The following ZC2HC1A variants were observed in gnomAD, a reference collection of about 807,000 sequenced individuals.
ZC2HC1A encodes the protein zinc finger C2HC-type containing 1A, also known as zinc finger C2HC domain-containing protein 1A.
ZC2HC1A carries 28 observed loss-of-function variants against 40.7 expected under a neutral mutation model. The observed-to-expected ratio is 0.69, with a 90% confidence interval of 0.51 to 0.94. ZC2HC1A has a LOEUF of 0.94. Ranked by LOEUF, ZC2HC1A falls within the 40% of genes least tolerant of loss-of-function variation. ZC2HC1A has a pLI of 0.00. For missense variants in ZC2HC1A, 389 were observed against 386.3 expected (o/e 1.01, Z -0.06); for synonymous variants, 129 against 129.2 (o/e 1.00, Z 0.01).
At chr8:78,686,758 C>A (rs1809989946) in intron 4 of ZC2HC1A, 150 bp downstream of exon 4, 2 of 729,518 alleles carry the variant, frequency 2.7e-6, no homozygotes, top group Non-Finnish European at 3.9e-6. Context: ...TGGTGGTAAT[C>A]TAGTCATGTA....
In ZC2HC1A at chr8:78,678,575, C is replaced by T. The variant is rs1809661089; in HGVS notation, c.106C>T (p.Pro36Ser). Residue 36 changes from proline to serine, a missense_variant, in exon 3 of 9, where the codon CCC becomes TCC. Physicochemically the swap from Pro to Ser is moderately conservative, Grantham distance 74 (BLOSUM62 -1). Transcript: ENST00000263849. ...TTTATCTTAACAGAAAAAACATGGA[C>T]CCATTTGCCAGAAGACTGCAACTAA... is the stretch of plus-strand genomic sequence containing the variant. ...FFPVALKKHG[P>S]ICQKTATKKR... 3.7e-6 allele frequency: 6 copies of T among 1,609,162 alleles called. No homozygotes were observed. The highest frequency in any genetic ancestry group is 1.1e-5 in the South Asian group (1 of 90,166).
intron 7 of ZC2HC1A, among the ~76,000 whole-genome samples, chr8:78,701,283 G>C (rs1284806168): frequency 6.6e-6 from 1 of 151,990 alleles, no homozygotes; most frequent in Non-Finnish European, 1.5e-5. Flanking sequence ...TCCTGATTTG[G>C]CTCTCTGCTT....
At chr8:78,673,122 G>T (rs1261361339) in intron 1 of ZC2HC1A, among the ~76,000 whole-genome samples, 1 of 152,024 alleles carries the variant, frequency 6.6e-6, no homozygotes. Flanking sequence ...GTGTCCATGT[G>T]TTCTCATTGT....
chr8:78,702,970 C>T lies in ZC2HC1A; in HGVS notation c.704+4457C>T, dbSNP rs149377470. On this transcript the variant is annotated intron_variant, in intron 7 of 8. Coordinates refer to ENST00000263849, the MANE Select transcript of ZC2HC1A (RefSeq NM_016010.3). Reference sequence around the variant, plus strand: ...ATAGTGCTGTGGCATGATCTTGGCTCGCTGCAACCTCTGCCTCCTGGGTTC... The same window carrying T: ...ATAGTGCTGTGGCATGATCTTGGCTTGCTGCAACCTCTGCCTCCTGGGTTC... Among the ~76,000 whole-genome samples the T allele has an allele frequency of 2.3e-3, 352 of 152,210 alleles. 8 individuals carry two copies. The East Asian group carries it at 0.054, about 23-fold the overall frequency.
intron 7 of ZC2HC1A, among the ~76,000 whole-genome samples, chr8:78,712,934 AAGGT>A: frequency 1.3e-5 from 2 of 152,184 alleles, no homozygotes. Context: ...TAGATAAACA[AAGGT>A]AGGAGAAGTC....
chr8:78,707,824 A>G (rs1433689145), intron 7 of ZC2HC1A, among the ~76,000 whole-genome samples: 2 of 150,756 alleles, frequency 1.3e-5, no homozygotes, highest in Non-Finnish European at 3.0e-5. Flanking sequence ...ATAGCTGTCT[A>G]TTTAGTGACA....
At position 78,719,357 on chromosome 8, in the gene ZC2HC1A, G is replaced by C. The variant is rs765427708; in HGVS notation, c.*1864G>C. On this transcript the variant is annotated 3_prime_UTR_variant, in exon 9 of 9. Transcript: ENST00000263849. The stretch of plus-strand genomic sequence containing the variant: ...TTAATGTTATAATGTACCACATGGA[G>C]ATGAGTTGGTAAGAAATCATCTAGT... 6 of 151,668 alleles carry C rather than the reference G, an allele frequency of 4.0e-5. No homozygotes were observed. Among genetic ancestry groups the C allele is most frequent in the Non-Finnish European group, 4.4e-5 (3 of 67,650 alleles). The allele number at this position is 151,668 out of a possible 1,614,324, so 9.4% of individuals were successfully genotyped here. A position where few individuals can be genotyped will look rare whatever the true frequency, so the allele number is the denominator to read the frequency against.
chr8:78,714,641 C>T (rs976244569), intron 7 of ZC2HC1A, among the ~76,000 whole-genome samples: 6 of 152,152 alleles, frequency 3.9e-5, no homozygotes, highest in African/African-American at 1.4e-4. Context: ...AAAATGGAGA[C>T]TCATGGATGA....
chr8:78,666,454 TCTTG>T (rs150925509), intron 1 of ZC2HC1A, among the ~76,000 whole-genome samples: 1 of 152,346 alleles, frequency 6.6e-6, no homozygotes, highest in Non-Finnish European at 1.5e-5. Flanking sequence ...CATTTTCTGA[TCTTG>T]CTTGACTCCT....
intron 5 of ZC2HC1A, among the ~76,000 whole-genome samples, chr8:78,690,710 T>A (rs1019069118): frequency 1.3e-5 from 2 of 152,172 alleles, no homozygotes; most frequent in Non-Finnish European, 2.9e-5. Flanking sequence ...ATTTTAACAA[T>A]ATTGAGTTGT....
intron 7 of ZC2HC1A, among the ~76,000 whole-genome samples, chr8:78,708,064 A>G (rs182165877): frequency 3.5e-4 from 53 of 152,324 alleles, no homozygotes; most frequent in East Asian, 2.1e-3. Flanking sequence ...TCACAGAATT[A>G]TCATCTGGTA....
intron 5 of ZC2HC1A, among the ~76,000 whole-genome samples, chr8:78,696,951 T>C (rs1036605274): frequency 1.3e-5 from 2 of 152,200 alleles, no homozygotes; most frequent in African/African-American, 4.8e-5. Context: ...TTGAGGAAGT[T>C]TTTTCCGTTA....
chr8:78,678,549 C>G lies in ZC2HC1A; in HGVS notation c.94-14C>G, dbSNP rs764285904. 10 of 1,590,398 alleles carry G rather than the reference C, an allele frequency of 6.3e-6. No individual in the cohort carries two copies. Among genetic ancestry groups the G allele is most frequent in the Non-Finnish European group, 8.6e-6 (10 of 1,168,310 alleles). ...GAAAAGAAAATGATAGGCTGCATTT[C>G]TTTATCTTAACAGAAAAAACATGGA... On this transcript the variant is annotated splice_polypyrimidine_tract_variant and intron_variant, in intron 2 of 8. Transcript: ENST00000263849.
intron 7 of ZC2HC1A, among the ~76,000 whole-genome samples, chr8:78,700,559 C>A (rs561102357): frequency 5.9e-5 from 9 of 152,148 alleles, no homozygotes; most frequent in African/African-American, 2.2e-4. Flanking sequence ...CTTTTGGCAT[C>A]TTCATTATAA....
intron 1 of ZC2HC1A, among the ~76,000 whole-genome samples, chr8:78,674,894 G>T (rs1585976961): frequency 6.6e-6 from 1 of 151,870 alleles, no homozygotes; most frequent in African/African-American, 2.4e-5. Context: ...TATGATAAAA[G>T]AATTTTAGCA....
intron 7 of ZC2HC1A, among the ~76,000 whole-genome samples, chr8:78,710,273 T>G (rs1201668282): frequency 6.6e-6 from 1 of 152,152 alleles, no homozygotes; most frequent in Non-Finnish European, 1.5e-5. Context: ...AAGTAACATT[T>G]GAGTTTTGAA....
chr8:78,668,236 T>C (rs1026807463), intron 1 of ZC2HC1A, among the ~76,000 whole-genome samples: 1 of 152,128 alleles, frequency 6.6e-6, no homozygotes, highest in African/African-American at 2.4e-5. Context: ...CGTTCATTAA[T>C]TCATCCATTC....
chr8:78,702,047 T>C (rs1219598727), intron 7 of ZC2HC1A, among the ~76,000 whole-genome samples: 2 of 152,120 alleles, frequency 1.3e-5, no homozygotes, highest in East Asian at 3.9e-4. Flanking sequence ...CAGTAGGAAT[T>C]GTACCAGTTC....
chr8:78,680,227 T>C (rs1809726546), intron 3 of ZC2HC1A, among the ~76,000 whole-genome samples: 1 of 137,164 alleles, frequency 7.3e-6, no homozygotes, highest in Non-Finnish European at 1.5e-5. Context: ...AATTGAATTC[T>C]AGAAAAAAGC....
Sources: allele counts gnomAD v4.1 joint callset (sites outside exome capture counted in the v4.1 genomes callset), GRCh38; gene constraint gnomAD v4.1.1; transcripts MANE v1.5; gene names NCBI Gene and HGNC (gene_info 2026-07-23, HGNC 2026-07-21).